CNIH3: variants seen among roughly 807,000 people sequenced by gnomAD.
The protein encoded by CNIH3 is cornichon family AMPA receptor auxiliary protein 3.
In CNIH3, 14 loss-of-function variants were observed where a neutral mutation model predicts 24.1. The ratio of observed to expected loss-of-function variants is 0.58; its 90% CI spans 0.38 to 0.91. CNIH3 has a LOEUF of 0.91. Ranked by LOEUF, CNIH3 falls within the 40% of genes least tolerant of loss-of-function variation. The pLI is 0.00. For missense variants in CNIH3, 178 were observed against 196.8 expected, an observed-to-expected ratio of 0.90 and a Z score of 0.57; for synonymous variants, 68 against 73.8, an observed-to-expected ratio of 0.92 and a Z score of 0.40.
chr1:224,516,631 T>C (rs1678395351), intron 1 of CNIH3, among the ~76,000 whole-genome samples: 1 of 152,248 alleles, frequency 6.6e-6, no homozygotes. Context: ...CTCCAGGCAG[T>C]GGTGCTGGCC....
At chr1:224,574,234 A>G (rs1231242496) in intron 4 of CNIH3, among the ~76,000 whole-genome samples, 1 of 152,182 alleles carries the variant, frequency 6.6e-6, no homozygotes, top group East Asian at 1.9e-4. Context: ...CACGTCAGGT[A>G]CCTACTAGAA....
At chr1:224,573,934 A>G (rs984678025) in intron 4 of CNIH3, among the ~76,000 whole-genome samples, 1 of 152,090 alleles carries the variant, frequency 6.6e-6, no homozygotes, top group African/African-American at 2.4e-5. Context: ...AAAAAAAAGC[A>G]TTATATATTT....
chr1:224,471,089 C>T (rs938561796), intron 1 of CNIH3, among the ~76,000 whole-genome samples: 2 of 151,982 alleles, frequency 1.3e-5, no homozygotes, highest in African/African-American at 4.8e-5. Flanking sequence ...GTTCTGTTGC[C>T]CAGGCTGGAG....
At chr1:224,714,570 C>T (rs1688326284) in intron 3 of CNIH3, among the ~76,000 whole-genome samples, 1 of 152,222 alleles carries the variant, frequency 6.6e-6, no homozygotes, top group Non-Finnish European at 1.5e-5. Context: ...GTGTGCCTTG[C>T]ACACATTCCC....
rs1337762809 is a variant in CNIH3 at position 224,450,012 on chromosome 1, ACACACACACACG to A, written n.203+15159_203+15170del. On this transcript the variant is annotated intron_variant and non_coding_transcript_variant, in intron 1 of 5. Coordinates refer to the CNIH3 transcript ENST00000471578. Reference sequence around the variant, plus strand: ...ATACACACATTATACACGCACACACACACACACACACGCACACACATACATATATGTATATAT... The same window carrying A: ...ATACACACATTATACACGCACACACACACACACATACATATATGTATATAT... Among the ~76,000 whole-genome samples the A allele has an allele frequency of 2.0e-5, 3 of 152,042 alleles. No homozygotes were observed. The East Asian group carries it at 5.8e-4, about 29-fold the overall frequency.
intron 1 of CNIH3, among the ~76,000 whole-genome samples, chr1:224,452,599 G>T (rs113490420): frequency 0.013 from 1,923 of 150,370 alleles, 27 homozygotes; most frequent in Middle Eastern, 0.063. Flanking sequence ...GGCTAACACG[G>T]TGAAACCCCG....
chr1:224,450,023 C>T (rs893707943), intron 1 of CNIH3, among the ~76,000 whole-genome samples: 13 of 152,070 alleles, frequency 8.5e-5, no homozygotes, highest in South Asian at 2.1e-4. Flanking sequence ...CACACACACA[C>T]GCACACACAT....
intron 1 of CNIH3, among the ~76,000 whole-genome samples, chr1:224,626,885 G>A (rs1027799636): frequency 6.6e-5 from 10 of 152,090 alleles, no homozygotes; most frequent in Admixed American, 3.9e-4. Context: ...TGTCACTGAC[G>A]AGCCTGGGTC....
chr1:224,695,057 A>ACACCAC (rs1385105062), intron 3 of CNIH3, among the ~76,000 whole-genome samples: 1 of 152,170 alleles, frequency 6.6e-6, no homozygotes, highest in Non-Finnish European at 1.5e-5. Flanking sequence ...ATGTAACCAA[A>ACACCAC]CACCACCTGC....
intron 1 of CNIH3, among the ~76,000 whole-genome samples, chr1:224,647,169 G>C (rs540511168): frequency 6.6e-6 from 1 of 152,244 alleles, no homozygotes; most frequent in Admixed American, 6.5e-5. Context: ...TTTTAGTAGA[G>C]ACAGGGTTTT....
chr1:224,483,769 C>A lies in CNIH3; in HGVS notation n.204-31972C>A, dbSNP rs200714318. Among the ~76,000 whole-genome samples the A allele has an allele frequency of 3.3e-5, 5 of 152,136 alleles. No individual in the cohort carries two copies. The East Asian group carries it at 9.6e-4, about 29-fold the overall frequency. On this transcript the variant is annotated intron_variant and non_coding_transcript_variant, in intron 1 of 5. Transcript: ENST00000471578. ...AATTTGGTGTTCCTGTGGGGGATGA[C>A]AATCAGTAAACGCTTCTATTCTGCA... is the stretch of plus-strand genomic sequence containing the variant.
chr1:224,559,484 C>G (rs73115929), intron 3 of CNIH3, among the ~76,000 whole-genome samples: 1 of 152,120 alleles, frequency 6.6e-6, no homozygotes, highest in South Asian at 2.1e-4. Context: ...CCTGCCTCAG[C>G]CTTCCAAGTA....
intron 2 of CNIH3, among the ~76,000 whole-genome samples, chr1:224,536,557 C>T (rs1679295484): frequency 6.6e-6 from 1 of 152,078 alleles, no homozygotes; most frequent in Admixed American, 6.6e-5. Context: ...TCCCAAAGTG[C>T]TGGGATTACA....
intron 4 of CNIH3, among the ~76,000 whole-genome samples, chr1:224,573,114 C>T (rs1680890559): frequency 6.6e-6 from 1 of 152,084 alleles, no homozygotes; most frequent in Non-Finnish European, 1.5e-5. Flanking sequence ...TAGTAATGTT[C>T]CCAGCATCGT....
intron 4 of CNIH3, among the ~76,000 whole-genome samples, chr1:224,572,289 G>T (rs959003207): frequency 1.3e-5 from 2 of 152,176 alleles, no homozygotes; most frequent in African/African-American, 2.4e-5. Flanking sequence ...GCTGAGGAGG[G>T]TGAATCACCT....
chr1:224,695,870 AG>A (rs1249728871), intron 3 of CNIH3, among the ~76,000 whole-genome samples: 1 of 152,160 alleles, frequency 6.6e-6, no homozygotes, highest in African/African-American at 2.4e-5. Flanking sequence ...GACTCTTGGG[AG>A]TTTTGCTATG....
intron 1 of CNIH3, chr1:224,454,399 A>G (rs767776531): frequency 2.5e-6 from 2 of 814,078 alleles, no homozygotes; most frequent in Non-Finnish European, 3.0e-6. Context: ...AATGTCATAA[A>G]CCATCCAGAG....
intron 1 of CNIH3, among the ~76,000 whole-genome samples, chr1:224,481,220 CCT>C (rs2124821370): frequency 6.6e-6 from 1 of 152,318 alleles, no homozygotes; most frequent in Admixed American, 6.5e-5. Flanking sequence ...AAGACCTGCC[CCT>C]ATGATTCAGT....
Position 224,739,435 on chromosome 1 carries a change from A to T in CNIH3, c.*79A>T. On this transcript the variant is annotated 3_prime_UTR_variant, in exon 6 of 6. Transcript: ENST00000272133. ...GAGGTGCATTTCTGCTGGTGACTGG[A>T]GGAGGGACCAGAATGAGGATACGTG... 2 of 1,575,934 alleles carry T rather than the reference A, an allele frequency of 1.3e-6. No individual in the cohort carries two copies.
Sources: gnomAD v4.1 joint callset for allele counts (sites outside exome capture counted in the v4.1 genomes callset) on GRCh38, gnomAD v4.1.1 for gene constraint, MANE v1.5 for transcripts, NCBI Gene and HGNC (gene_info 2026-07-23, HGNC 2026-07-21) for gene names.